Variants in NELL1 observed in about 807,000 individuals in gnomAD.
NELL1 encodes the protein neural EGFL like 1, also known as protein kinase C-binding protein NELL1.
Under a neutral mutation model 107.4 loss-of-function variants are expected in NELL1, and 76 were observed. The observed-to-expected ratio is 0.71, with a 90% CI of 0.59 to 0.86. The LOEUF (loss-of-function observed/expected upper bound fraction) is 0.86. Ranked by LOEUF, NELL1 falls within the 40% of genes least tolerant of loss-of-function variation. The probability of loss-of-function intolerance (pLI) is 0.00; values close to 1 mark genes in which losing one functional copy is unlikely to be tolerated. For synonymous variants in NELL1, 353 were observed against 341.2 expected, an observed-to-expected ratio of 1.03 and a Z score of -0.38; for missense variants, 1,024 against 1,005.5, an observed-to-expected ratio of 1.02 and a Z score of -0.25.
At chr11:21,187,218 C>T (rs1856953811) in intron 13 of NELL1, among the ~76,000 whole-genome samples, 2 of 151,728 alleles carry the variant, frequency 1.3e-5, no homozygotes, top group Non-Finnish European at 2.9e-5. Flanking sequence ...AGAAGCGAGC[C>T]AGAAGCTGGT....
At chr11:21,415,878 C>T (rs1564883701) in intron 15 of NELL1, among the ~76,000 whole-genome samples, 1 of 152,042 alleles carries the variant, frequency 6.6e-6, no homozygotes, top group Non-Finnish European at 1.5e-5. Context: ...AGGTTCCATT[C>T]ATCAGGGACT....
At chr11:20,695,854 A>T (rs924616492) in intron 2 of NELL1, among the ~76,000 whole-genome samples, 2 of 151,882 alleles carry the variant, frequency 1.3e-5, no homozygotes, top group African/African-American at 4.8e-5. Flanking sequence ...AATTGGTACC[A>T]GCTTTTCTTT....
intron 13 of NELL1, among the ~76,000 whole-genome samples, chr11:21,213,099 A>G (rs1945328): frequency 0.13 from 19,478 of 152,186 alleles, 1,568 homozygotes; most frequent in East Asian, 0.44. Flanking sequence ...ACCTACTATC[A>G]TATATAATTG....
chr11:20,941,914 A>G (rs193211217), intron 10 of NELL1, among the ~76,000 whole-genome samples: 10 of 152,306 alleles, frequency 6.6e-5, no homozygotes, highest in Admixed American at 6.5e-4. Context: ...GCATCACAGA[A>G]AAGTCAGAAC....
chr11:21,522,734 T>C (rs754149296), intron 15 of NELL1, among the ~76,000 whole-genome samples: 1 of 152,092 alleles, frequency 6.6e-6, no homozygotes, highest in Non-Finnish European at 1.5e-5. Flanking sequence ...CAAATCTATA[T>C]ATTTGAGTGT....
chr11:21,273,706 C>T (rs1257780846), intron 14 of NELL1, among the ~76,000 whole-genome samples: 5 of 152,160 alleles, frequency 3.3e-5, no homozygotes, highest in African/African-American at 9.7e-5. Flanking sequence ...GCTGATCTCT[C>T]GGCAGAAACT....
chr11:20,755,773 A>G (rs1035205160), intron 2 of NELL1, among the ~76,000 whole-genome samples: 2 of 147,348 alleles, frequency 1.4e-5, no homozygotes, highest in South Asian at 2.2e-4. Flanking sequence ...CCAGGCTGGT[A>G]TTGAACTCCT....
intron 14 of NELL1, among the ~76,000 whole-genome samples, chr11:21,278,585 C>T (rs780368069): frequency 2.6e-5 from 4 of 151,842 alleles, no homozygotes; most frequent in African/African-American, 4.8e-5. Flanking sequence ...TCTAACAAAA[C>T]ATGGACGAGA....
chr11:21,073,455 A>G (rs796316676), intron 12 of NELL1, among the ~76,000 whole-genome samples: 18 of 152,286 alleles, frequency 1.2e-4, no homozygotes, highest in African/African-American at 4.1e-4. Context: ...TTATCTAACG[A>G]ATGAGTTGAT....
chr11:21,081,797 C>T (rs1349638057), intron 12 of NELL1, among the ~76,000 whole-genome samples: 1 of 152,074 alleles, frequency 6.6e-6, no homozygotes, highest in African/African-American at 2.4e-5. Flanking sequence ...GAGTGATCTT[C>T]GTAAAAAGTA....
intron 2 of NELL1, among the ~76,000 whole-genome samples, chr11:20,710,991 TA>T (rs1473445244): frequency 7.2e-5 from 11 of 152,108 alleles, no homozygotes; most frequent in African/African-American, 1.7e-4. Flanking sequence ...TTGTTTTATT[TA>T]TTTTTTTTGT....
At chr11:21,470,959 T>A (rs1854165146) in intron 15 of NELL1, among the ~76,000 whole-genome samples, 1 of 152,128 alleles carries the variant, frequency 6.6e-6, no homozygotes, top group African/African-American at 2.4e-5. Flanking sequence ...ATAAAATAGT[T>A]AATAAGCTAT....
intron 14 of NELL1, among the ~76,000 whole-genome samples, chr11:21,279,830 G>A (rs1419085907): frequency 1.3e-5 from 2 of 152,150 alleles, no homozygotes; most frequent in Non-Finnish European, 2.9e-5. Context: ...TGTCTTCCAG[G>A]AGTTGAAAGG....
rs772825960 is a variant in NELL1, at chr11:21,314,005, C to G, written c.1550-56848C>G. 7.7e-3 allele frequency among the ~76,000 whole-genome samples: 615 copies of G among 80,140 alleles called. 29 individuals are homozygous for G. The highest frequency in any genetic ancestry group is 0.01 in the Non-Finnish European group (366 of 35,310). 52.6% of individuals were successfully genotyped at this position (80,140 alleles called of 152,430 possible). ...AACCTACACTCTGCCCCCCCCCCCC[C>G]CCCCGCGACCCCCACTTGCTCCTGC... On this transcript the variant is annotated intron_variant, in intron 14 of 19. Coordinates refer to ENST00000357134, the MANE Select transcript of NELL1 (RefSeq NM_006157.5).
chr11:20,807,230 A>G (rs1192008725), intron 3 of NELL1, among the ~76,000 whole-genome samples: 2 of 152,104 alleles, frequency 1.3e-5, no homozygotes, highest in African/African-American at 4.8e-5. Flanking sequence ...GTTGTGATCT[A>G]TGTTTTTGTT....
At chr11:21,535,637 G>C (rs1856117857) in intron 16 of NELL1, among the ~76,000 whole-genome samples, 1 of 152,126 alleles carries the variant, frequency 6.6e-6, no homozygotes, top group East Asian at 1.9e-4. Context: ...TCAAATTCTA[G>C]CTCTGCTGCT....
At position 21,161,153 on chromosome 11, in the gene NELL1, T is replaced by G. The variant is rs72936410; in HGVS notation, c.1426+47439T>G. On this transcript the variant is annotated intron_variant, in intron 13 of 19. Transcript: ENST00000357134. ...GCTCATCTCAAAGCACCTTCCACTC[T>G]GCTTTCTGACCCTCTGTGATCAAAG... Among the ~76,000 whole-genome samples, 697 of 152,318 alleles carry G rather than the reference T, an allele frequency of 4.6e-3. 3 individuals are homozygous for G. Among genetic ancestry groups the G allele is most frequent in the Non-Finnish European group, 7.0e-3 (479 of 68,030 alleles).
At chr11:21,454,689 A>G (rs1436718322) in intron 15 of NELL1, among the ~76,000 whole-genome samples, 1 of 152,230 alleles carries the variant, frequency 6.6e-6, no homozygotes, top group East Asian at 1.9e-4. Context: ...TCCAAGATCA[A>G]GTTTAAGGCA....
intron 14 of NELL1, among the ~76,000 whole-genome samples, chr11:21,269,649 T>C (rs1361678330): frequency 6.6e-6 from 1 of 151,812 alleles, no homozygotes; most frequent in Non-Finnish European, 1.5e-5. Flanking sequence ...AAATTGAGGG[T>C]TTTGTGCCAA....
Sources: allele counts gnomAD v4.1 joint callset (sites outside exome capture counted in the v4.1 genomes callset), GRCh38; gene constraint gnomAD v4.1.1; transcripts MANE v1.5; gene names NCBI Gene and HGNC (gene_info 2026-07-23, HGNC 2026-07-21).